ZFP64: variants seen among roughly 807,000 people sequenced by gnomAD.
The protein encoded by ZFP64 is ZFP64 zinc finger protein, also known as zinc finger protein 64.
In ZFP64, 14 loss-of-function variants were observed where a neutral mutation model predicts 51.6. That is an observed-to-expected ratio of 0.27 (90% CI 0.18 to 0.42). The LOEUF (loss-of-function observed/expected upper bound fraction) is 0.42, where lower values mean the gene tolerates loss of function less well. Ranked by LOEUF, ZFP64 falls within the 10% of genes least tolerant of loss-of-function variation. The pLI is 1.00. For synonymous variants in ZFP64, 375 were observed against 361.4 expected (o/e 1.04, Z -0.43); for missense variants, 754 against 906.8 (o/e 0.83, Z 2.16).
At position 52,152,164 on chromosome 20, in the gene ZFP64, G is replaced by C; in HGVS notation, c.2028C>G (p.Ala676=). The C allele has an allele frequency of 1.9e-6, 3 of 1,613,894 alleles. No homozygotes were observed. The highest frequency in any genetic ancestry group is 2.5e-6 in the Non-Finnish European group (3 of 1,179,844). Residue 676 remains alanine, a synonymous_variant, in exon 6 of 6, where the codon GCC becomes GCG. Transcript: ENST00000216923. ...GAAHPALLCP[A]DSIPD is the part of the protein sequence containing the mutation. ...TTAAGCACTAATCTGGAATGGAGTC[G>C]GCGGGACAGAGCAAAGCTGGATGGG... is the stretch of plus-strand genomic sequence containing the variant.
At chr20:52,092,854 AAAAAC>A (rs1210684969) in intron 7 of ZFP64, among the ~76,000 whole-genome samples, 1 of 152,210 alleles carries the variant, frequency 6.6e-6, no homozygotes, top group Non-Finnish European at 1.5e-5. Flanking sequence ...ACTGTCTCTC[AAAAAC>A]AAAACAAAAA....
intron 2 of ZFP64, among the ~76,000 whole-genome samples, chr20:52,179,437 C>T (rs941123088): frequency 6.6e-6 from 1 of 152,208 alleles, no homozygotes; most frequent in African/African-American, 2.4e-5. Context: ...TCACAGCCAC[C>T]CTTTCCTGCC....
chr20:52,105,271 G>T, intron 5 of ZFP64: 2 of 1,310,816 alleles, frequency 1.5e-6, no homozygotes, highest in South Asian at 2.4e-5. Flanking sequence ...GCGTCCCTAG[G>T]AGTGGCCTAC....
At chr20:52,098,889 C>A (rs1322071450) in intron 5 of ZFP64, among the ~76,000 whole-genome samples, 1 of 151,300 alleles carries the variant, frequency 6.6e-6, no homozygotes, top group Non-Finnish European at 1.5e-5. Context: ...GTAGTCCCAG[C>A]TACTCGGGAG....
chr20:52,179,678 T>C (rs1191140833), intron 2 of ZFP64, among the ~76,000 whole-genome samples: 1 of 152,234 alleles, frequency 6.6e-6, no homozygotes, highest in African/African-American at 2.4e-5. Context: ...CATTGTCCTC[T>C]GGCCAAAGAC....
intron 2 of ZFP64, 100 bp from the exon 3 acceptor site, chr20:52,166,125 C>T (rs1291914545): frequency 1.3e-5 from 16 of 1,241,798 alleles, no homozygotes; most frequent in Non-Finnish European, 1.7e-5. Context: ...TACTAGTTTG[C>T]TTTCCCAGCC....
intron 2 of ZFP64, among the ~76,000 whole-genome samples, chr20:52,184,818 G>T (rs1983846191): frequency 6.6e-6 from 1 of 151,946 alleles, no homozygotes; most frequent in African/African-American, 2.4e-5. Flanking sequence ...TGTAGAGGTG[G>T]GGTCTTGCTA....
At chr20:52,174,948 T>G (rs758925187) in intron 2 of ZFP64, among the ~76,000 whole-genome samples, 1 of 152,178 alleles carries the variant, frequency 6.6e-6, no homozygotes, top group Non-Finnish European at 1.5e-5. Context: ...TAACTTGCAT[T>G]TCCTTTACAT....
intron 5 of ZFP64, chr20:52,110,512 A>G: frequency 1.4e-6 from 1 of 715,818 alleles, no homozygotes; most frequent in Non-Finnish European, 2.5e-6. Context: ...CTTCCCTGTG[A>G]TCTTCAGGTA....
chr20:52,108,893 C>CAT (rs1288538349), intron 5 of ZFP64, among the ~76,000 whole-genome samples: 2 of 151,648 alleles, frequency 1.3e-5, no homozygotes, highest in Non-Finnish European at 2.9e-5. Flanking sequence ...CACACACACA[C>CAT]ACACACACAC....
chr20:52,151,980 TGAGCCAA>T lies in ZFP64; in HGVS notation c.*159_*165del. The T allele has an allele frequency of 7.2e-7, 1 of 1,383,016 alleles. No homozygotes were observed. The highest frequency in any genetic ancestry group is 9.5e-7 in the Non-Finnish European group (1 of 1,055,768). 85.7% of individuals were successfully genotyped at this position (1,383,016 alleles called of 1,614,324 possible). ...TGAACCTGGGAGGCGGACGTTGCAGTGAGCCAAGATAGCGCCACTGCACTCCAGCCTG... is the reference window on the plus strand; with the variant it reads ...TGAACCTGGGAGGCGGACGTTGCAGTGATAGCGCCACTGCACTCCAGCCTG... On this transcript the variant is annotated 3_prime_UTR_variant, in exon 6 of 6. Transcript: ENST00000216923.
At chr20:52,124,901 G>T (rs1190261327) in intron 5 of ZFP64, among the ~76,000 whole-genome samples, 1 of 152,078 alleles carries the variant, frequency 6.6e-6, no homozygotes, top group Non-Finnish European at 1.5e-5. Flanking sequence ...ACCATGCCCG[G>T]CCTAAACATT....
intron 5 of ZFP64, chr20:52,098,596 GA>G: frequency 6.2e-7 from 1 of 1,614,050 alleles, no homozygotes; most frequent in Non-Finnish European, 8.5e-7. Context: ...AGCTGAAATT[GA>G]GGCATAGTTT....
downstream of ZFP64, among the ~76,000 whole-genome samples, chr20:52,150,259 G>T (rs1038771613): frequency 1.6e-4 from 24 of 150,444 alleles, no homozygotes; most frequent in African/African-American, 5.1e-4. Flanking sequence ...AATCTGTATA[G>T]TTTATATCTG....
At chr20:52,157,806 C>T (rs1379402739) in intron 5 of ZFP64, among the ~76,000 whole-genome samples, 1 of 152,166 alleles carries the variant, frequency 6.6e-6, no homozygotes, top group Non-Finnish European at 1.5e-5. Flanking sequence ...TCTCCTAATG[C>T]TATCCCTCCC....
At position 52,182,228 on chromosome 20, in the gene ZFP64, G is replaced by A. The variant is rs569420277; in HGVS notation, c.286+4604C>T. On this transcript the variant is annotated intron_variant, in intron 2 of 5. Coordinates refer to ENST00000216923, the MANE Select transcript of ZFP64 (RefSeq NM_018197.3). ...CTAGGGCTGTTAGGTGGTGGATTGGGATGCGAGTCCAGCAGTCTATCTCTG... is the reference window on the plus strand; with the variant it reads ...CTAGGGCTGTTAGGTGGTGGATTGGAATGCGAGTCCAGCAGTCTATCTCTG... 2.0e-5 allele frequency among the ~76,000 whole-genome samples: 3 copies of A among 152,288 alleles called. No homozygotes were observed. The East Asian group carries it at 5.8e-4, about 29-fold the overall frequency.
At chr20:52,171,722 T>C (rs184393876) in intron 2 of ZFP64, among the ~76,000 whole-genome samples, 474 of 144,860 alleles carry the variant, frequency 3.3e-3, no homozygotes, top group African/African-American at 0.011. Flanking sequence ...ACTTCTGACC[T>C]AAGGTGATCT....
In ZFP64 at chr20:52,151,409, A is replaced by C. The variant is rs1047014439; in HGVS notation, c.*737T>G. On this transcript the variant is annotated 3_prime_UTR_variant, in exon 6 of 6. Coordinates refer to ENST00000216923, the MANE Select transcript of ZFP64 (RefSeq NM_018197.3). Reference sequence around the variant, plus strand: ...TGGTCCTTCATGCCAACAGACTTACATGTATAAAACATGAACACCCCCAAA... The same window carrying C: ...TGGTCCTTCATGCCAACAGACTTACCTGTATAAAACATGAACACCCCCAAA... 1.7e-5 allele frequency: 17 copies of C among 985,288 alleles called. No individual in the cohort carries two copies. In the South Asian group the frequency reaches 8.0e-4, roughly 46 times the overall value. The allele number at this position is 985,288 out of a possible 1,614,324, so 61.0% of individuals were successfully genotyped here.
intron 5 of ZFP64, among the ~76,000 whole-genome samples, chr20:52,141,672 T>A (rs571822656): frequency 1.4e-4 from 21 of 152,318 alleles, no homozygotes; most frequent in Non-Finnish European, 2.5e-4. Context: ...AAGGAAGTGG[T>A]TCCTTGAGAT....
Sources: allele counts gnomAD v4.1 joint callset (sites outside exome capture counted in the v4.1 genomes callset), GRCh38; gene constraint gnomAD v4.1.1; transcripts MANE v1.5; gene names NCBI Gene and HGNC (gene_info 2026-07-23, HGNC 2026-07-21).